Variants in TMEM267 observed in about 807,000 individuals in gnomAD.
The protein encoded by TMEM267 is transmembrane protein 267.
Under a neutral mutation model 19.3 loss-of-function variants are expected in TMEM267, and 20 were observed. That is an observed-to-expected ratio of 1.04 (90% CI 0.73 to 1.51). TMEM267 has a LOEUF of 1.51. TMEM267 is among the 40% of genes most tolerant of loss of function. The pLI, the probability that TMEM267 is intolerant of heterozygous loss-of-function variation, is 0.00. For synonymous variants in TMEM267, 88 were observed against 90.3 expected (o/e 0.97, Z 0.15); for missense variants, 242 against 261.9 (o/e 0.92, Z 0.52).
At chr5:43,454,171 G>C in intron 1 of TMEM267, 128 bp from the exon 2 acceptor site, 1 of 429,322 alleles carries the variant, frequency 2.3e-6, no homozygotes, top group Non-Finnish European at 4.0e-6. Flanking sequence ...ACTTTTACAT[G>C]TTATATATAA....
chr5:43,462,886 A>G (rs965667148), intron 1 of TMEM267, among the ~76,000 whole-genome samples: 3 of 152,214 alleles, frequency 2.0e-5, no homozygotes, highest in Admixed American at 2.0e-4. Flanking sequence ...CAACTAGAAA[A>G]GCAAGAGCAA....
chr5:43,480,179 A>G (rs923186768), intron 1 of TMEM267, among the ~76,000 whole-genome samples: 2 of 152,162 alleles, frequency 1.3e-5, no homozygotes, highest in Non-Finnish European at 2.9e-5. Flanking sequence ...TCAATAAAGT[A>G]TGGCCTGTAA....
At chr5:43,455,960 T>C (rs1053294641) in intron 1 of TMEM267, among the ~76,000 whole-genome samples, 1 of 151,760 alleles carries the variant, frequency 6.6e-6, no homozygotes, top group Non-Finnish European at 1.5e-5. Context: ...CTCAGTCTCT[T>C]GAGTAGCTGG....
intron 1 of TMEM267, among the ~76,000 whole-genome samples, chr5:43,460,073 G>T (rs1232596670): frequency 6.6e-6 from 1 of 152,220 alleles, no homozygotes; most frequent in Non-Finnish European, 1.5e-5. Context: ...CTCATAAGAA[G>T]CACGTGACCT....
At chr5:43,474,877 A>G (rs1744320219) in intron 1 of TMEM267, among the ~76,000 whole-genome samples, 1 of 152,232 alleles carries the variant, frequency 6.6e-6, no homozygotes, top group Non-Finnish European at 1.5e-5. Flanking sequence ...TCAGGAAACA[A>G]CAGATGCTGG....
chr5:43,447,776 G>C (rs1742344972), intron 2 of TMEM267, among the ~76,000 whole-genome samples: 1 of 152,184 alleles, frequency 6.6e-6, no homozygotes, highest in African/African-American at 2.4e-5. Context: ...ATATTGAAGA[G>C]AGAAGAGGGG....
rs990934933 is a variant in TMEM267 at position 43,474,290 on chromosome 5, A to G, written c.-75+9532T>C. Among the ~76,000 whole-genome samples, 15 of 152,372 alleles carry G rather than the reference A, an allele frequency of 9.8e-5. No homozygotes were observed. The South Asian group carries it at 1.9e-3, about 19-fold the overall frequency. On this transcript the variant is annotated intron_variant, in intron 1 of 2. Coordinates refer to ENST00000397080, the MANE Select transcript of TMEM267 (RefSeq NM_022483.5). Reference sequence around the variant, plus strand: ...TAATTAAACGAAAGAGCTTCTACACAGCAAAAGAAACGATCATCAGAGCGA... The same window carrying G: ...TAATTAAACGAAAGAGCTTCTACACGGCAAAAGAAACGATCATCAGAGCGA...
intron 1 of TMEM267, among the ~76,000 whole-genome samples, chr5:43,477,365 G>C (rs1744491266): frequency 6.6e-6 from 1 of 152,054 alleles, no homozygotes; most frequent in East Asian, 1.9e-4. Context: ...GAGGTGGGCG[G>C]ATCATGAGGT....
intron 1 of TMEM267, among the ~76,000 whole-genome samples, chr5:43,473,185 T>C (rs1579825102): frequency 6.8e-6 from 1 of 147,436 alleles, no homozygotes; most frequent in African/African-American, 2.5e-5. Flanking sequence ...TAAGACCTAG[T>C]ACTTGATAGC....
At chr5:43,481,974 C>G (rs921520963) in intron 1 of TMEM267, among the ~76,000 whole-genome samples, 3 of 152,196 alleles carry the variant, frequency 2.0e-5, no homozygotes, top group Admixed American at 6.5e-5. Flanking sequence ...TCCCGAATAG[C>G]TGGGACTACA....
chr5:43,474,896 T>C (rs1400797682), intron 1 of TMEM267, among the ~76,000 whole-genome samples: 1 of 152,076 alleles, frequency 6.6e-6, no homozygotes, highest in Admixed American at 6.5e-5. Flanking sequence ...GGAGAGGATG[T>C]GGAGAAATAG....
chr5:43,448,791 C>T (rs571051347), intron 2 of TMEM267, among the ~76,000 whole-genome samples: 1 of 149,346 alleles, frequency 6.7e-6, no homozygotes, highest in South Asian at 2.1e-4. Context: ...ACAACCCCCC[C>T]CCACAAAAAA....
rs764769279 is a variant in TMEM267 at position 43,453,961 on chromosome 5, G to A, written c.9C>T (p.Ser3=). The change falls in exon 2 of 3, where the codon TCC becomes TCT. Residue 3 remains serine, a synonymous_variant. Coordinates refer to ENST00000397080, the MANE Select transcript of TMEM267 (RefSeq NM_022483.5). ...GTAAAGCATGGGTCTTTTCAGTCTC[G>A]GATGCCATGACAAACAATATGTTAG... MA[S]ETEKTHALLQ... 1.7e-5 allele frequency: 27 copies of A among 1,612,616 alleles called. No homozygotes were observed. The East Asian group carries it at 3.1e-4, about 19-fold the overall frequency.
In TMEM267 at chr5:43,449,531, G is replaced by A. The variant is rs1311560878; in HGVS notation, c.313-2974C>T. On this transcript the variant is annotated intron_variant, in intron 2 of 2. Transcript: ENST00000397080. ...TCTGAAAAAACTGACTCAATGATAA[G>A]CTTCAAGACAATTTAGTAGAGCTAT... Among the ~76,000 whole-genome samples, 5 of 152,232 alleles carry A rather than the reference G, an allele frequency of 3.3e-5. 1 individual carries two copies. In the South Asian group the frequency reaches 1.0e-3, roughly 32 times the overall value.
chr5:43,470,812 C>T (rs1348726921), intron 1 of TMEM267, among the ~76,000 whole-genome samples: 3 of 152,068 alleles, frequency 2.0e-5, no homozygotes, highest in Middle Eastern at 3.4e-3. Flanking sequence ...GCCTTGTTTG[C>T]GGATGATATG....
chr5:43,464,194 T>A (rs909539676), intron 1 of TMEM267, among the ~76,000 whole-genome samples: 5 of 152,132 alleles, frequency 3.3e-5, no homozygotes, highest in African/African-American at 1.2e-4. Context: ...ATGAGTGAAC[T>A]CCCATTCACA....
chr5:43,453,504 A>T (rs766370353), intron 2 of TMEM267, among the ~76,000 whole-genome samples, 154 bp downstream of exon 2: 3 of 152,246 alleles, frequency 2.0e-5, no homozygotes, highest in Non-Finnish European at 4.4e-5. Context: ...GTCTGTGTGC[A>T]TCTTTAGGCA....
intron 1 of TMEM267, among the ~76,000 whole-genome samples, chr5:43,474,839 G>A (rs957752200): frequency 7.3e-5 from 11 of 151,256 alleles, no homozygotes; most frequent in African/African-American, 2.2e-4. Flanking sequence ...CACATCTCAC[G>A]CCAGTTAGAA....
intron 1 of TMEM267, among the ~76,000 whole-genome samples, chr5:43,463,364 G>A (rs1313504305): frequency 1.3e-5 from 2 of 152,146 alleles, no homozygotes; most frequent in Non-Finnish European, 2.9e-5. Flanking sequence ...AGAGGTACAA[G>A]GAGGAGCTGG....
Sources: allele counts gnomAD v4.1 joint callset (sites outside exome capture counted in the v4.1 genomes callset), GRCh38; gene constraint gnomAD v4.1.1; transcripts MANE v1.5; gene names NCBI Gene and HGNC (gene_info 2026-07-23, HGNC 2026-07-21).